PI4KA: variants seen among roughly 807,000 people sequenced by gnomAD.
PI4KA encodes the protein PI4-kinase alpha.
Under a neutral mutation model 271.4 loss-of-function variants are expected in PI4KA, and 122 were observed. The observed-to-expected ratio is 0.45, with a 90% CI of 0.39 to 0.52. PI4KA has a LOEUF of 0.52. Among genes scored for constraint, PI4KA ranks in the 20% least tolerant of loss-of-function variants. PI4KA has a pLI of 0.00. For synonymous variants in PI4KA, 1,041 were observed against 1,078.8 expected (o/e 0.96, Z 0.69); for missense variants, 1,969 against 2,769.1 (o/e 0.71, Z 6.48).
chr22:20,852,252 TG>T (rs1470121273), intron 1 of PI4KA, among the ~76,000 whole-genome samples: 2 of 152,090 alleles, frequency 1.3e-5, no homozygotes, highest in African/African-American at 4.8e-5. Context: ...CTCCAATGAG[TG>T]CAAACTGCAA....
At chr22:20,757,833 C>T (rs1293873832) in intron 23 of PI4KA, among the ~76,000 whole-genome samples, 1 of 152,104 alleles carries the variant, frequency 6.6e-6, no homozygotes, top group South Asian at 2.1e-4. Flanking sequence ...CGTGAGCTAC[C>T]GCACCCAGCC....
chr22:20,785,964 G>A, intron 19 of PI4KA: 2 of 1,613,872 alleles, frequency 1.2e-6, no homozygotes, highest in Non-Finnish European at 1.7e-6. Flanking sequence ...TGTAACTTGT[G>A]GTTCAATAAA....
chr22:20,800,979 C>T lies in PI4KA; in HGVS notation c.1724+994G>A, dbSNP rs542086179. Among the ~76,000 whole-genome samples the T allele has an allele frequency of 2.2e-4, 33 of 150,242 alleles. No homozygotes were observed. In the South Asian group the frequency reaches 6.6e-3, roughly 30 times the overall value. On this transcript the variant is annotated intron_variant, in intron 14 of 54. Coordinates refer to ENST00000255882, the MANE Select transcript of PI4KA (RefSeq NM_058004.4). ...AATCTCGGCTCACCGCAACCTCCGCCTCCCGGGTTCAAGTGATTCTCCTGC... is the reference window on the plus strand; with the variant it reads ...AATCTCGGCTCACCGCAACCTCCGCTTCCCGGGTTCAAGTGATTCTCCTGC...
At chr22:20,769,875 T>C (rs1030255769) in intron 19 of PI4KA, among the ~76,000 whole-genome samples, 1 of 151,858 alleles carries the variant, frequency 6.6e-6, no homozygotes, top group Non-Finnish European at 1.5e-5. Flanking sequence ...TTCCCAGGAG[T>C]GATGGTAGCA....
At chr22:20,713,743 G>A (rs1601313704) in intron 47 of PI4KA, among the ~76,000 whole-genome samples, 1 of 152,240 alleles carries the variant, frequency 6.6e-6, no homozygotes, top group East Asian at 1.9e-4. Context: ...AGGGCTCGGG[G>A]CCAGCGTGCA....
In PI4KA at chr22:20,771,565, C is replaced by CTTTATTTA. The variant is rs361642; in HGVS notation, c.2329-5880_2329-5873dup. Among the ~76,000 whole-genome samples the CTTTATTTA allele has an allele frequency of 5.4e-3, 795 of 147,330 alleles. 9 individuals carry two copies. Among genetic ancestry groups the CTTTATTTA allele is most frequent in the Middle Eastern group, 0.014 (4 of 286 alleles). On this transcript the variant is annotated intron_variant, in intron 19 of 54. Coordinates refer to ENST00000255882, the MANE Select transcript of PI4KA (RefSeq NM_058004.4). Reference sequence around the variant, plus strand: ...TCCAAATAGACAGGAAATATGTTGGCTTTATTTATTTATTTATTTATTTAT... The same window carrying CTTTATTTA: ...TCCAAATAGACAGGAAATATGTTGGCTTTATTTATTTATTTATTTATTTATTTATTTAT...
intron 19 of PI4KA, among the ~76,000 whole-genome samples, chr22:20,776,599 GCT>G (rs1933302255): frequency 6.6e-6 from 1 of 152,204 alleles, no homozygotes; most frequent in South Asian, 2.1e-4. Flanking sequence ...CTAGGAAGCT[GCT>G]CTGCACGGCC....
intron 19 of PI4KA, among the ~76,000 whole-genome samples, chr22:20,776,939 T>A (rs1181801803): frequency 6.6e-6 from 1 of 152,212 alleles, no homozygotes; most frequent in Non-Finnish European, 1.5e-5. Context: ...CCAGTAACTC[T>A]TACCTGGCCT....
In PI4KA at chr22:20,854,927, G is replaced by A. The variant is rs1305266244; in HGVS notation, c.156+3643C>T. On this transcript the variant is annotated intron_variant, in intron 1 of 54. Transcript: ENST00000255882. ...GGCACTTTGGGAGGCCGAGGTGGGC[G>A]GATCACCTGAGGTCAGGAGTTTGAG... is the stretch of plus-strand genomic sequence containing the variant. Among the ~76,000 whole-genome samples the A allele has an allele frequency of 3.9e-5, 6 of 152,078 alleles. 1 individual carries two copies. Among genetic ancestry groups the A allele is most frequent in the African/African-American group, 9.7e-5 (4 of 41,404 alleles).
At chr22:20,810,456 C>T (rs1935934319) in intron 9 of PI4KA, among the ~76,000 whole-genome samples, 1 of 151,738 alleles carries the variant, frequency 6.6e-6, no homozygotes, top group South Asian at 2.1e-4. Context: ...TTGCAGTGAG[C>T]CGAGATTGCG....
At chr22:20,830,537 C>T (rs1924021974) in intron 3 of PI4KA, among the ~76,000 whole-genome samples, 1 of 152,038 alleles carries the variant, frequency 6.6e-6, no homozygotes. Context: ...GTATGGGTGT[C>T]ACTGTATGTG....
At chr22:20,820,739 CACA>C in intron 4 of PI4KA, 128 bp from the exon 5 acceptor site, 2 of 658,488 alleles carry the variant, frequency 3.0e-6, no homozygotes, top group Non-Finnish European at 5.2e-6. Flanking sequence ...TACATCCCTC[CACA>C]ACGACTGTGC....
intron 36 of PI4KA, among the ~76,000 whole-genome samples, chr22:20,731,245 T>C (rs1364662632): frequency 1.3e-5 from 2 of 152,208 alleles, no homozygotes; most frequent in East Asian, 3.8e-4. Context: ...AAGATGGCAG[T>C]TATCTGATCA....
chr22:20,804,911 G>A lies in PI4KA; in HGVS notation c.1360+63C>T, dbSNP rs995896212. The A allele has an allele frequency of 4.6e-5, 62 of 1,355,040 alleles. 1 individual carries two copies. The Middle Eastern group carries it at 1.2e-3, about 27-fold the overall frequency. 83.9% of individuals were successfully genotyped at this position (1,355,040 alleles called of 1,614,324 possible). ...TTCTAGAAGTAGTTTGGGGAAACTT[G>A]TGGCAAGAAAGCCTCTGGGTCATGC... is the stretch of plus-strand genomic sequence containing the variant. On this transcript the variant is annotated intron_variant, in intron 11 of 54. Coordinates refer to ENST00000255882, the MANE Select transcript of PI4KA (RefSeq NM_058004.4).
At position 20,765,713 on chromosome 22, in the gene PI4KA, G is replaced by A. The variant is rs1366144342; in HGVS notation, c.2329-20C>T. The A allele has an allele frequency of 3.9e-6, 6 of 1,525,908 alleles. No homozygotes were observed. The highest frequency in any genetic ancestry group is 5.5e-6 in the Non-Finnish European group (6 of 1,100,640). 94.5% of individuals were successfully genotyped at this position (1,525,908 alleles called of 1,614,324 possible). On this transcript the variant is annotated intron_variant, in intron 19 of 54. Coordinates refer to ENST00000255882, the MANE Select transcript of PI4KA (RefSeq NM_058004.4). ...GGTGAGCTGATGTGCCAAGAAGAGA[G>A]GGAGAAAGGAGGTTATTTGCTGAGG...
chr22:20,787,171 T>C, intron 19 of PI4KA: 1 of 1,055,410 alleles, frequency 9.5e-7, no homozygotes, highest in Non-Finnish European at 1.5e-6. Flanking sequence ...TAGTTTACGC[T>C]ACCAATCTGA....
chr22:20,744,126 T>C (rs1929786468), intron 30 of PI4KA, among the ~76,000 whole-genome samples: 1 of 152,026 alleles, frequency 6.6e-6, no homozygotes, highest in Non-Finnish European at 1.5e-5. Context: ...GAGCAGGAAA[T>C]GGAGGCCCAC....
chr22:20,773,267 A>G (rs1189060708), intron 19 of PI4KA, among the ~76,000 whole-genome samples: 1 of 147,984 alleles, frequency 6.8e-6, no homozygotes, highest in African/African-American at 2.5e-5. Context: ...TGCGCCTGTA[A>G]TCTCAGCCAC....
intron 19 of PI4KA, chr22:20,779,231 G>A: frequency 1.9e-6 from 3 of 1,607,072 alleles, no homozygotes; most frequent in Non-Finnish European, 1.7e-6. Context: ...AACCTGCCAT[G>A]TGGATGCTGC....
Sources: allele counts gnomAD v4.1 joint callset (sites outside exome capture counted in the v4.1 genomes callset), GRCh38; gene constraint gnomAD v4.1.1; transcripts MANE v1.5; gene names NCBI Gene and HGNC (gene_info 2026-07-23, HGNC 2026-07-21).